The following TPO variants were observed in gnomAD, a reference collection of about 807,000 sequenced individuals.
The protein encoded by TPO is thyroid microsomal antigen.
In TPO, 78 loss-of-function variants were observed where a neutral mutation model predicts 96.9. That is an observed-to-expected ratio of 0.81 (90% CI 0.67 to 0.97). The LOEUF (loss-of-function observed/expected upper bound fraction) is 0.97. TPO is among the 50% of genes least tolerant of loss of function. TPO has a pLI of 0.00. For synonymous variants in TPO, 547 were observed against 538.0 expected, an observed-to-expected ratio of 1.02 and a Z score of -0.23; for missense variants, 1,252 against 1,274.8, an observed-to-expected ratio of 0.98 and a Z score of 0.27.
At chr2:1,529,391 C>T (rs1677469132) in intron 15 of TPO, among the ~76,000 whole-genome samples, 1 of 113,632 alleles carries the variant, frequency 8.8e-6, no homozygotes, top group Admixed American at 9.1e-5. Context: ...CCCAAATCCC[C>T]CCACTGTCTG....
intron 16 of TPO, chr2:1,541,049 CCTGACTTTTAAATT>C (rs1319261019): frequency 2.3e-5 from 29 of 1,284,780 alleles, no homozygotes; most frequent in Non-Finnish European, 2.8e-5. Context: ...GAAGCAAAAC[CCTGACTTTTAAATT>C]CTGATTTTTA....
rs1265543182 is a variant in TPO, at chr2:1,530,459, A to G, written c.2619-10135A>G. Among the ~76,000 whole-genome samples, 3 of 94,734 alleles carry G rather than the reference A, an allele frequency of 3.2e-5. 1 individual carries two copies. Among genetic ancestry groups the G allele is most frequent in the African/African-American group, 1.2e-4 (3 of 24,246 alleles). The allele number at this position is 94,734 out of a possible 152,430, so 62.1% of individuals were successfully genotyped here. ...ACTGTGTGCAACCTCCCGAAATCCC[A>G]TCAACTGTGTGCAACATCCTCAAAT... On this transcript the variant is annotated intron_variant, in intron 15 of 16. Transcript: ENST00000329066.
intron 15 of TPO, among the ~76,000 whole-genome samples, chr2:1,521,602 G>C (rs565324054): frequency 6.6e-6 from 1 of 152,262 alleles, no homozygotes; most frequent in African/African-American, 2.4e-5. Context: ...TTGATGACAG[G>C]AATTGTCTTC....
At chr2:1,454,445 A>G (rs1005547985) in intron 6 of TPO, among the ~76,000 whole-genome samples, 1 of 152,206 alleles carries the variant, frequency 6.6e-6, no homozygotes, top group African/African-American at 2.4e-5. Flanking sequence ...GTGGACAGAT[A>G]CACCAGCACA....
intron 2 of TPO, among the ~76,000 whole-genome samples, chr2:1,415,613 G>T (rs545637110): frequency 6.8e-6 from 1 of 147,500 alleles, no homozygotes; most frequent in South Asian, 2.2e-4. Context: ...CACTGGGCAG[G>T]TCCCTGGGCC....
intron 15 of TPO, among the ~76,000 whole-genome samples, chr2:1,527,487 C>G (rs1365592447): frequency 6.9e-6 from 1 of 144,516 alleles, no homozygotes; most frequent in East Asian, 2.4e-4. Flanking sequence ...ATCCCCCCAT[C>G]TGTGTGCGAC....
intron 15 of TPO, among the ~76,000 whole-genome samples, chr2:1,528,483 C>T (rs183034913): frequency 2.7e-4 from 39 of 146,486 alleles, no homozygotes; most frequent in Admixed American, 1.5e-3. Context: ...GTGCAACCTC[C>T]TCAAATCCCC....
intron 3 of TPO, 116 bp from the exon 4 acceptor site, chr2:1,433,322 C>T (rs1238405473): frequency 7.4e-7 from 1 of 1,349,746 alleles, no homozygotes; most frequent in Non-Finnish European, 1.0e-6. Flanking sequence ...CAGTGCCTGT[C>T]ACATTGTCTG....
At chr2:1,478,015 TA>T in intron 8 of TPO, 1 of 985,452 alleles carries the variant, frequency 1.0e-6, no homozygotes, top group Non-Finnish European at 1.2e-6. Flanking sequence ...ACTCATTTAA[TA>T]ATTCCCAGAA....
At chr2:1,496,386 A>G (rs987136829) in intron 12 of TPO, among the ~76,000 whole-genome samples, 189 bp downstream of exon 12, 3 of 152,078 alleles carry the variant, frequency 2.0e-5, no homozygotes, top group African/African-American at 7.2e-5. Flanking sequence ...TGAGAAAGGA[A>G]CTGGAGGCCT....
chr2:1,436,147 ATCCCAAAT>A, intron 4 of TPO, 97 bp from the exon 5 acceptor site: 1 of 1,581,184 alleles, frequency 6.3e-7, no homozygotes. Context: ...TTACATATGA[ATCCCAAAT>A]TCAGATGCTG....
At chr2:1,460,358 T>C (rs541049481) in intron 7 of TPO, among the ~76,000 whole-genome samples, 34 of 152,258 alleles carry the variant, frequency 2.2e-4, no homozygotes, top group African/African-American at 7.5e-4. Flanking sequence ...AGGCCCTCGT[T>C]CCCAGCTAAG....
intron 15 of TPO, among the ~76,000 whole-genome samples, chr2:1,534,994 T>C (rs72490799): frequency 0.42 from 6,421 of 15,280 alleles, 1,197 homozygotes; most frequent in South Asian, 0.51. Flanking sequence ...GTGTGTGCAA[T>C]TTCCCTAAAT....
At chr2:1,510,702 C>T (rs1052341729) in intron 14 of TPO, among the ~76,000 whole-genome samples, 3 of 152,142 alleles carry the variant, frequency 2.0e-5, no homozygotes, top group South Asian at 2.1e-4. Flanking sequence ...ATGCCTGCAC[C>T]GTGACCGGGG....
chr2:1,470,822 G>C (rs942343914), intron 7 of TPO, among the ~76,000 whole-genome samples: 2 of 152,202 alleles, frequency 1.3e-5, no homozygotes, highest in Non-Finnish European at 2.9e-5. Flanking sequence ...AATGAGGCTT[G>C]TGGGTTCCAG....
At chr2:1,448,489 G>A (rs915460128) in intron 5 of TPO, among the ~76,000 whole-genome samples, 2 of 152,248 alleles carry the variant, frequency 1.3e-5, no homozygotes, top group South Asian at 2.1e-4. Flanking sequence ...CACCCACCTC[G>A]CAGGGTTGTT....
intron 2 of TPO, among the ~76,000 whole-genome samples, chr2:1,422,691 A>G (rs2048725): frequency 0.82 from 124,502 of 152,200 alleles, 50,958 homozygotes; most frequent in South Asian, 0.9. Flanking sequence ...CTTTTATTAA[A>G]TACACAAGAT....
chr2:1,535,924 C>T, intron 15 of TPO, among the ~76,000 whole-genome samples: 1 of 56,428 alleles, frequency 1.8e-5, no homozygotes, highest in Admixed American at 2.4e-4. Flanking sequence ...CGTGTGCAAC[C>T]TCCCCAAATC....
chr2:1,488,559 T>C (rs540797762), intron 10 of TPO, among the ~76,000 whole-genome samples: 1 of 152,202 alleles, frequency 6.6e-6, no homozygotes, highest in South Asian at 2.1e-4. Flanking sequence ...TCCAACTCCC[T>C]GACCTCAGGC....
Sources: gnomAD v4.1 joint callset for allele counts (sites outside exome capture counted in the v4.1 genomes callset) on GRCh38, gnomAD v4.1.1 for gene constraint, MANE v1.5 for transcripts, NCBI Gene and HGNC (gene_info 2026-07-23, HGNC 2026-07-21) for gene names.